DSTN: variants seen among roughly 807,000 people sequenced by gnomAD.
The protein encoded by DSTN is destrin.
A neutral mutation model predicts 16.8 loss-of-function variants in DSTN; 10 were observed. The ratio of observed to expected loss-of-function variants is 0.60; its 90% CI spans 0.37 to 1.01. The LOEUF (loss-of-function observed/expected upper bound fraction) is 1.01. Ranked by LOEUF, DSTN falls within the 50% of genes least tolerant of loss-of-function variation. DSTN has a pLI of 0.01. For synonymous variants in DSTN, 57 were observed against 58.9 expected, an observed-to-expected ratio of 0.97 and a Z score of 0.14; for missense variants, 141 against 196.7, an observed-to-expected ratio of 0.72 and a Z score of 1.69.
intron 3 of DSTN, among the ~76,000 whole-genome samples, chr20:17,606,501 TTA>T (rs1279155647): frequency 2.0e-5 from 3 of 152,262 alleles, no homozygotes; most frequent in Non-Finnish European, 4.4e-5. Context: ...ATTTGTATTT[TTA>T]TGTTTTAAAA....
At chr20:17,601,150 G>A in intron 2 of DSTN, 105 bp downstream of exon 2, 2 of 1,343,066 alleles carry the variant, frequency 1.5e-6, no homozygotes, top group Non-Finnish European at 2.0e-6. Context: ...ATTTGCAGTT[G>A]TTGTCATTTA....
In DSTN at chr20:17,582,635, C is replaced by T. The variant is rs1040977733; in HGVS notation, c.3+12424C>T. Among the ~76,000 whole-genome samples, 18 of 152,154 alleles carry T rather than the reference C, an allele frequency of 1.2e-4. No homozygotes were observed. In the East Asian group the frequency reaches 2.9e-3, roughly 24 times the overall value. ...GTGTTTTCAACAAATGGTGCTGGCA[C>T]AATTGGATATCCGCATGCAAAAGAA... On this transcript the variant is annotated intron_variant, in intron 1 of 3. Transcript: ENST00000246069.
intron 3 of DSTN, chr20:17,605,143 A>G: frequency 2.2e-6 from 1 of 456,332 alleles, no homozygotes. Context: ...GGTCAGTTGT[A>G]TTTGACTTGC....
At chr20:17,593,462 A>G (rs1051995396) in intron 1 of DSTN, among the ~76,000 whole-genome samples, 7 of 152,140 alleles carry the variant, frequency 4.6e-5, no homozygotes, top group African/African-American at 1.7e-4. Flanking sequence ...GGCCTTAAGG[A>G]GATGATATTA....
chr20:17,588,548 G>A (rs1156344688), intron 1 of DSTN, among the ~76,000 whole-genome samples: 7 of 152,286 alleles, frequency 4.6e-5, no homozygotes, highest in East Asian at 3.9e-4. Context: ...TTGGGAGGCC[G>A]AGGCGGGCGG....
At chr20:17,600,686 T>C in intron 1 of DSTN, 52 bp from the exon 2 acceptor site, 1 of 1,486,692 alleles carries the variant, frequency 6.7e-7, no homozygotes, top group Non-Finnish European at 9.0e-7. Context: ...TTATTTTATG[T>C]TTGGCACAAT....
chr20:17,604,513 T>G, intron 2 of DSTN, 42 bp from the exon 3 acceptor site: 1 of 1,582,962 alleles, frequency 6.3e-7, no homozygotes, highest in South Asian at 1.2e-5. Flanking sequence ...AGTTATACTT[T>G]CTCTAAACCA....
At chr20:17,596,679 A>G in intron 1 of DSTN, 1 of 985,346 alleles carries the variant, frequency 1.0e-6, no homozygotes, top group Non-Finnish European at 1.2e-6. Flanking sequence ...TCAAGTATTC[A>G]GTGTTAATTT....
chr20:17,591,945 C>G, intron 1 of DSTN: 1 of 985,336 alleles, frequency 1.0e-6, no homozygotes, highest in South Asian at 4.7e-5. Flanking sequence ...TTCAGTTCAC[C>G]CACTAGAGGC....
intron 1 of DSTN, 26 bp from the exon 2 acceptor site, chr20:17,600,712 T>TA (rs1406480004): frequency 1.7e-5 from 26 of 1,538,072 alleles, no homozygotes; most frequent in Non-Finnish European, 2.2e-5. Context: ...TTGTAAGTCT[T>TA]TTTCTCATGT....
At chr20:17,580,620 G>C (rs1055721398) in intron 1 of DSTN, among the ~76,000 whole-genome samples, 1 of 152,034 alleles carries the variant, frequency 6.6e-6, no homozygotes, top group Non-Finnish European at 1.5e-5. Flanking sequence ...GATGGCACGC[G>C]CCTGTAATCC....
intron 3 of DSTN, chr20:17,605,188 G>A: frequency 2.2e-6 from 1 of 456,292 alleles, no homozygotes; most frequent in Non-Finnish European, 4.4e-6. Context: ...AGATGGCCTG[G>A]CCAGACTTCA....
chr20:17,583,256 G>T (rs565120569), intron 1 of DSTN, among the ~76,000 whole-genome samples: 1 of 152,316 alleles, frequency 6.6e-6, no homozygotes, highest in South Asian at 2.1e-4. Context: ...GTAAAATGGC[G>T]CAGTAATTTT....
intron 1 of DSTN, 47 bp from the exon 2 acceptor site, chr20:17,600,691 C>T: frequency 6.7e-7 from 1 of 1,493,320 alleles, no homozygotes. Context: ...TTATGTTTGG[C>T]ACAATAAAAA....
chr20:17,573,612 C>G (rs2035232890), intron 1 of DSTN, among the ~76,000 whole-genome samples: 1 of 152,170 alleles, frequency 6.6e-6, no homozygotes, highest in African/African-American at 2.4e-5. Flanking sequence ...TTCTACTCTA[C>G]TACTGGTTCG....
chr20:17,584,652 CAAA>C (rs551581639), intron 1 of DSTN, among the ~76,000 whole-genome samples: 4 of 55,684 alleles, frequency 7.2e-5, no homozygotes, highest in Admixed American at 3.7e-4. Flanking sequence ...AACTCCGTCT[CAAA>C]AAAAAAAAAA....
At chr20:17,577,008 C>G (rs902990988) in intron 1 of DSTN, among the ~76,000 whole-genome samples, 1 of 152,222 alleles carries the variant, frequency 6.6e-6, no homozygotes, top group African/African-American at 2.4e-5. Context: ...CATCTCACCT[C>G]ATGCGACAAG....
Position 17,581,310 on chromosome 20 carries a change from G to A in DSTN, c.3+11099G>A, listed in dbSNP as rs112062576. 2.7e-3 allele frequency among the ~76,000 whole-genome samples: 409 copies of A among 152,152 alleles called. 2 individuals carry two copies. The highest frequency in any genetic ancestry group is 9.2e-3 in the African/African-American group (381 of 41,506). ...ACCCTGGGCAACATAGAGAGAACCC[G>A]TCTCTACCAAAAAATAAAACATAAA... On this transcript the variant is annotated intron_variant, in intron 1 of 3. Coordinates refer to ENST00000246069, the MANE Select transcript of DSTN (RefSeq NM_006870.4).
intron 1 of DSTN, among the ~76,000 whole-genome samples, chr20:17,572,275 C>T (rs2035215741): frequency 6.6e-6 from 1 of 152,144 alleles, no homozygotes; most frequent in South Asian, 2.1e-4. Flanking sequence ...ATGTCTCCTC[C>T]AACAAAAAAC....
Sources: gnomAD v4.1 joint callset for allele counts (sites outside exome capture counted in the v4.1 genomes callset) on GRCh38, gnomAD v4.1.1 for gene constraint, MANE v1.5 for transcripts, NCBI Gene and HGNC (gene_info 2026-07-23, HGNC 2026-07-21) for gene names.